EXOC6B: variants seen among roughly 807,000 people sequenced by gnomAD.
The protein encoded by EXOC6B is exocyst complex component 6B, also known as SEC15 homolog B.
EXOC6B carries 54 observed loss-of-function variants against 113.5 expected under a neutral mutation model. The observed-to-expected ratio is 0.48, with a 90% CI of 0.38 to 0.60. EXOC6B has a LOEUF of 0.60. Among genes scored for constraint, EXOC6B ranks in the 20% least tolerant of loss-of-function variants. The pLI is 0.00. For missense variants in EXOC6B, 797 were observed against 977.5 expected (o/e 0.82, Z 2.46); for synonymous variants, 357 against 339.0 (o/e 1.05, Z -0.58).
At chr2:72,582,068 C>T (rs962447709) in intron 6 of EXOC6B, among the ~76,000 whole-genome samples, 4 of 152,048 alleles carry the variant, frequency 2.6e-5, no homozygotes, top group East Asian at 1.9e-4. Context: ...ATAAAATCTG[C>T]GGACAGAAGT....
At chr2:72,411,690 G>A (rs11897200) in intron 18 of EXOC6B, among the ~76,000 whole-genome samples, 29,426 of 152,030 alleles carry the variant, frequency 0.19, 5,139 homozygotes, top group African/African-American at 0.47. Flanking sequence ...GAATCTGGTC[G>A]TGGATTAGTA....
At chr2:72,436,313 C>G (rs1695868703) in intron 18 of EXOC6B, among the ~76,000 whole-genome samples, 1 of 150,890 alleles carries the variant, frequency 6.6e-6, no homozygotes, top group South Asian at 2.1e-4. Context: ...TGACCTTTCT[C>G]TCTGTCTGCC....
intron 1 of EXOC6B, among the ~76,000 whole-genome samples, chr2:72,818,939 G>A (rs993291695): frequency 6.6e-6 from 1 of 152,102 alleles, no homozygotes; most frequent in South Asian, 2.1e-4. Flanking sequence ...CAGTCATTAT[G>A]TAACATTAAT....
chr2:72,370,620 C>T (rs113535503), intron 19 of EXOC6B, among the ~76,000 whole-genome samples: 2,197 of 152,126 alleles, frequency 0.014, 70 homozygotes, highest in African/African-American at 0.05. Context: ...CCCAAATGTC[C>T]GACAATGATA....
chr2:72,316,936 G>C (rs1687546021), intron 20 of EXOC6B, among the ~76,000 whole-genome samples: 1 of 152,196 alleles, frequency 6.6e-6, no homozygotes, highest in Admixed American at 6.5e-5. Flanking sequence ...AGAGTACTCT[G>C]TGATAGGCAG....
At chr2:72,444,859 CA>C (rs1696469605) in intron 18 of EXOC6B, among the ~76,000 whole-genome samples, 1 of 152,186 alleles carries the variant, frequency 6.6e-6, no homozygotes, top group Non-Finnish European at 1.5e-5. Context: ...GAGGGGCTGC[CA>C]TGAAAACCTC....
At chr2:72,521,409 G>A (rs1161879027) in intron 8 of EXOC6B, among the ~76,000 whole-genome samples, 1 of 152,070 alleles carries the variant, frequency 6.6e-6, no homozygotes, top group Admixed American at 6.5e-5. Context: ...ACTGGCTAAT[G>A]TATTCATAAA....
chr2:72,807,755 A>C (rs1164583607), intron 1 of EXOC6B, among the ~76,000 whole-genome samples: 1 of 152,100 alleles, frequency 6.6e-6, no homozygotes, highest in African/African-American at 2.4e-5. Flanking sequence ...CGATTGAACT[A>C]ATGCAGATAG....
intron 20 of EXOC6B, among the ~76,000 whole-genome samples, chr2:72,186,680 AT>A: frequency 6.6e-6 from 1 of 152,244 alleles, no homozygotes; most frequent in South Asian, 2.1e-4. Context: ...ATATGGACAT[AT>A]ACATGCATGT....
rs899385493 is a variant in EXOC6B, at chr2:72,435,499, G to A, written c.1980+29661C>T. On this transcript the variant is annotated intron_variant, in intron 18 of 21. Coordinates refer to ENST00000272427, the MANE Select transcript of EXOC6B (RefSeq NM_015189.3). ...CTTGTTGATCTGTCTAATAGTTACA[G>A]TGGGGTGTTAAAGTCTCCCACTATT... Among the ~76,000 whole-genome samples the A allele has an allele frequency of 2.6e-5, 4 of 152,274 alleles. No homozygotes were observed. In the East Asian group the frequency reaches 7.7e-4, roughly 29 times the overall value.
intron 1 of EXOC6B, among the ~76,000 whole-genome samples, chr2:72,771,147 GA>G (rs1683384550): frequency 1.3e-5 from 2 of 152,152 alleles, no homozygotes; most frequent in Admixed American, 6.6e-5. Flanking sequence ...TTCAACTGCT[GA>G]AAACATTTCA....
intron 11 of EXOC6B, among the ~76,000 whole-genome samples, chr2:72,502,611 A>T (rs1323182536): frequency 1.3e-5 from 2 of 152,210 alleles, no homozygotes; most frequent in African/African-American, 4.8e-5. Flanking sequence ...TCACATATTT[A>T]AAAATGCCTT....
At chr2:72,341,789 T>C (rs1689045536) in intron 19 of EXOC6B, among the ~76,000 whole-genome samples, 1 of 152,110 alleles carries the variant, frequency 6.6e-6, no homozygotes, top group Non-Finnish European at 1.5e-5. Flanking sequence ...TAGTAGAATA[T>C]ATATTTTTAT....
intron 1 of EXOC6B, among the ~76,000 whole-genome samples, chr2:72,770,781 T>G (rs1683367056): frequency 6.6e-6 from 1 of 152,178 alleles, no homozygotes; most frequent in Admixed American, 6.5e-5. Context: ...GTTTCATTGT[T>G]GCCCTTGGGT....
At chr2:72,754,464 T>C (rs1682272566) in intron 1 of EXOC6B, among the ~76,000 whole-genome samples, 1 of 152,008 alleles carries the variant, frequency 6.6e-6, no homozygotes, top group South Asian at 2.1e-4. Flanking sequence ...ACTCCTAGCC[T>C]CGAGCAATCC....
chr2:72,823,405 C>G (rs1357519440), intron 1 of EXOC6B, among the ~76,000 whole-genome samples: 2 of 128,558 alleles, frequency 1.6e-5, no homozygotes, highest in Admixed American at 9.4e-5. Flanking sequence ...AATGTATATA[C>G]AGTTGACCCT....
intron 18 of EXOC6B, among the ~76,000 whole-genome samples, chr2:72,419,342 T>G (rs1371114335): frequency 6.6e-6 from 1 of 152,232 alleles, no homozygotes; most frequent in Admixed American, 6.5e-5. Flanking sequence ...TTACAACTTC[T>G]CATTACAATA....
intron 6 of EXOC6B, among the ~76,000 whole-genome samples, chr2:72,642,552 G>C (rs1164988530): frequency 2.7e-5 from 4 of 148,434 alleles, no homozygotes; most frequent in African/African-American, 1.0e-4. Flanking sequence ...GGGAAAACTG[G>C]CTAGCCATAT....
intron 18 of EXOC6B, among the ~76,000 whole-genome samples, chr2:72,385,591 G>A (rs1011057623): frequency 1.3e-5 from 2 of 151,800 alleles, no homozygotes; most frequent in East Asian, 1.9e-4. Flanking sequence ...CAGAATGGGG[G>A]AATATACTTG....
Sources: allele counts gnomAD v4.1 joint callset (sites outside exome capture counted in the v4.1 genomes callset), GRCh38; gene constraint gnomAD v4.1.1; transcripts MANE v1.5; gene names NCBI Gene and HGNC (gene_info 2026-07-23, HGNC 2026-07-21).